The following ADGRL3 variants were observed in gnomAD, a reference collection of about 807,000 sequenced individuals.
ADGRL3 encodes the protein calcium-independent alpha-latrotoxin receptor 3.
ADGRL3 carries 62 observed loss-of-function variants against 153.5 expected under a neutral mutation model. The observed-to-expected ratio is 0.40, with a 90% CI of 0.33 to 0.50. The LOEUF is 0.50. Among genes scored for constraint, ADGRL3 ranks in the 20% least tolerant of loss-of-function variants. The pLI, the probability that ADGRL3 is intolerant of heterozygous loss-of-function variation, is 0.47. For missense variants in ADGRL3, 1,641 were observed against 1,859.4 expected (o/e 0.88, Z 2.16); for synonymous variants, 710 against 672.5 (o/e 1.06, Z -0.86).
chr4:61,396,487 A>G (rs968001394), intron 2 of ADGRL3, among the ~76,000 whole-genome samples: 1 of 151,858 alleles, frequency 6.6e-6, no homozygotes. Context: ...CAGTAAGGAG[A>G]GATTCTTACT....
At chr4:61,656,844 A>G (rs532894401) in intron 5 of ADGRL3, among the ~76,000 whole-genome samples, 2 of 152,254 alleles carry the variant, frequency 1.3e-5, no homozygotes, top group East Asian at 1.9e-4. Context: ...AACATTTTAG[A>G]TGTCCATTTG....
At chr4:61,947,408 G>GA (rs1192128647) in intron 16 of ADGRL3, among the ~76,000 whole-genome samples, 1 of 152,072 alleles carries the variant, frequency 6.6e-6, no homozygotes. Context: ...ATTACAGCCT[G>GA]AAAACCACAG....
At chr4:61,348,890 G>A (rs1335260428) in intron 1 of ADGRL3, among the ~76,000 whole-genome samples, 1 of 151,934 alleles carries the variant, frequency 6.6e-6, no homozygotes, top group Non-Finnish European at 1.5e-5. Flanking sequence ...GAAATCTGAA[G>A]TCTTGCCAAA....
chr4:61,862,580 T>C (rs544240088), intron 9 of ADGRL3, among the ~76,000 whole-genome samples: 142 of 152,258 alleles, frequency 9.3e-4, no homozygotes, highest in African/African-American at 3.2e-3. Flanking sequence ...ACCACCAGCT[T>C]TGGGAATTAG....
rs558568434 is a variant in ADGRL3, at chr4:61,726,491, G to A, written c.584-4131G>A. Among the ~76,000 whole-genome samples, 8 of 152,076 alleles carry A rather than the reference G, an allele frequency of 5.3e-5. No homozygotes were observed. In the East Asian group the frequency reaches 1.2e-3, roughly 22 times the overall value. On this transcript the variant is annotated intron_variant, in intron 6 of 26. Transcript: ENST00000683033. ...TGGGATTACAGGCGTGAGCCACCAC[G>A]CCCAGCCTGGAACATTTTTTATTTC...
chr4:61,350,507 C>A (rs1027499835), intron 1 of ADGRL3, among the ~76,000 whole-genome samples: 2 of 152,028 alleles, frequency 1.3e-5, no homozygotes, highest in Admixed American at 1.3e-4. Context: ...TTCACAGATA[C>A]CATGATTTTT....
At chr4:61,677,833 C>T (rs764709683) in intron 6 of ADGRL3, among the ~76,000 whole-genome samples, 49 of 151,974 alleles carry the variant, frequency 3.2e-4, no homozygotes, top group Middle Eastern at 3.4e-3. Flanking sequence ...GCCTCATTCA[C>T]GCTTATTAAA....
chr4:61,364,346 A>T (rs972941613), intron 1 of ADGRL3, among the ~76,000 whole-genome samples: 2 of 140,752 alleles, frequency 1.4e-5, no homozygotes, highest in African/African-American at 5.2e-5. Flanking sequence ...AAAAAAAAAA[A>T]TAATAATAAT....
chr4:61,256,860 C>T (rs184332859), intron 1 of ADGRL3, among the ~76,000 whole-genome samples: 105 of 152,138 alleles, frequency 6.9e-4, no homozygotes, highest in Middle Eastern at 3.4e-3. Context: ...GAATCTGTGC[C>T]TTTGAAAAAC....
chr4:61,317,671 C>T (rs761567097), intron 1 of ADGRL3, among the ~76,000 whole-genome samples: 1 of 152,030 alleles, frequency 6.6e-6, no homozygotes, highest in Non-Finnish European at 1.5e-5. Context: ...GTAGCTTGTT[C>T]CTCGTTACAC....
At chr4:61,260,603 G>T (rs2092430647) in intron 1 of ADGRL3, among the ~76,000 whole-genome samples, 1 of 152,180 alleles carries the variant, frequency 6.6e-6, no homozygotes, top group South Asian at 2.1e-4. Flanking sequence ...AATGAAAAGT[G>T]CCTAGCAGAA....
chr4:61,410,225 A>T (rs1345024459), intron 2 of ADGRL3, among the ~76,000 whole-genome samples: 1 of 152,158 alleles, frequency 6.6e-6, no homozygotes, highest in African/African-American at 2.4e-5. Context: ...TTTGGAGATG[A>T]GCTAGATACA....
chr4:61,461,119 C>T lies in ADGRL3; in HGVS notation c.-173-36002C>T, dbSNP rs916609831. On this transcript the variant is annotated intron_variant, in intron 2 of 26. Transcript: ENST00000683033. ...GCCATCACATCTCGTGAGACTTATT[C>T]ATTACCACGAGAACAGTATTGGAAA... Among the ~76,000 whole-genome samples, 4 of 152,016 alleles carry T rather than the reference C, an allele frequency of 2.6e-5. 1 individual carries two copies. Among genetic ancestry groups the T allele is most frequent in the African/African-American group, 9.7e-5 (4 of 41,412 alleles).
intron 5 of ADGRL3, among the ~76,000 whole-genome samples, chr4:61,658,873 T>C (rs2094514249): frequency 6.6e-6 from 1 of 152,170 alleles, no homozygotes; most frequent in African/African-American, 2.4e-5. Context: ...CTGTGTTGGT[T>C]TCCTAGAGCT....
At chr4:61,809,130 AGGACCATCAGCTATTAAACTT>A (rs907300749) in intron 8 of ADGRL3, among the ~76,000 whole-genome samples, 1 of 152,184 alleles carries the variant, frequency 6.6e-6, no homozygotes, top group Non-Finnish European at 1.5e-5. Flanking sequence ...ATCTGCCTGG[AGGACCATCAGCTATTAAACTT>A]GTTTGCAGCA....
rs1471127700 is a variant in ADGRL3 at position 61,492,019 on chromosome 4, A to AC, written c.-173-5102_-173-5101insC. Among the ~76,000 whole-genome samples, 332 of 67,280 alleles carry AC rather than the reference A, an allele frequency of 4.9e-3. 2 individuals are homozygous for AC. Among genetic ancestry groups the AC allele is most frequent in the Non-Finnish European group, 4.6e-3 (140 of 30,118 alleles). The allele number at this position is 67,280 out of a possible 152,430, so 44.1% of individuals were successfully genotyped here. A position where few individuals can be genotyped will look rare whatever the true frequency, so the allele number is the denominator to read the frequency against. On this transcript the variant is annotated intron_variant, in intron 2 of 26. Coordinates refer to ENST00000683033, the MANE Select transcript of ADGRL3 (RefSeq NM_001387552.1). ...TGATTTCCCTCTATGGAACAATGAA[A>AC]AAAACAAACAAACAAACAAACAAAC...
At chr4:61,610,875 G>A (rs954228404) in intron 5 of ADGRL3, among the ~76,000 whole-genome samples, 4 of 151,930 alleles carry the variant, frequency 2.6e-5, no homozygotes, top group African/African-American at 9.6e-5. Flanking sequence ...GGTGTAGAGT[G>A]TTTGCATATA....
At chr4:61,906,220 ATTTAT>A (rs2098695044) in intron 11 of ADGRL3, 1 of 152,062 alleles carries the variant, frequency 6.6e-6, no homozygotes, top group Non-Finnish European at 1.5e-5. Context: ...TCATATCTGC[ATTTAT>A]TTTAACTCAA....
chr4:61,507,286 G>A (rs1329076029), intron 3 of ADGRL3, among the ~76,000 whole-genome samples: 1 of 152,142 alleles, frequency 6.6e-6, no homozygotes, highest in Non-Finnish European at 1.5e-5. Flanking sequence ...TTGCTTAAAA[G>A]GAGGCCTTTT....
Sources: gnomAD v4.1 joint callset for allele counts (sites outside exome capture counted in the v4.1 genomes callset) on GRCh38, gnomAD v4.1.1 for gene constraint, MANE v1.5 for transcripts, NCBI Gene and HGNC (gene_info 2026-07-23, HGNC 2026-07-21) for gene names.